Variants in PHLPP1 observed in about 807,000 individuals in gnomAD.
PHLPP1 encodes the protein PH domain leucine-rich repeat-containing protein phosphatase 1.
Under a neutral mutation model 117.2 loss-of-function variants are expected in PHLPP1, and 42 were observed. That is an observed-to-expected ratio of 0.36 (90% CI 0.28 to 0.46). The LOEUF (loss-of-function observed/expected upper bound fraction) is 0.46, where lower values mean the gene tolerates loss of function less well. Ranked by LOEUF, PHLPP1 falls within the 20% of genes least tolerant of loss-of-function variation. The probability of loss-of-function intolerance (pLI) is 1.00; values close to 1 mark genes in which losing one functional copy is unlikely to be tolerated. For synonymous variants in PHLPP1, 1,042 were observed against 970.7 expected (o/e 1.07, Z -1.37); for missense variants, 2,084 against 2,241.9 (o/e 0.93, Z 1.42).
At chr18:62,871,586 C>A (rs149881644) in intron 4 of PHLPP1, among the ~76,000 whole-genome samples, 1 of 151,546 alleles carries the variant, frequency 6.6e-6, no homozygotes, top group Non-Finnish European at 1.5e-5. Flanking sequence ...CCTCGGCCTC[C>A]GAAAGTGCTG....
At chr18:62,802,854 T>C (rs1343961868) in intron 1 of PHLPP1, among the ~76,000 whole-genome samples, 2 of 152,082 alleles carry the variant, frequency 1.3e-5, no homozygotes, top group Admixed American at 1.3e-4. Flanking sequence ...AGAAGTCCAG[T>C]CCTGTAGATT....
At chr18:62,810,790 A>G (rs923306097) in intron 1 of PHLPP1, among the ~76,000 whole-genome samples, 6 of 152,212 alleles carry the variant, frequency 3.9e-5, no homozygotes, top group African/African-American at 9.6e-5. Flanking sequence ...GTAGTACTAT[A>G]AATAGTTATT....
intron 3 of PHLPP1, among the ~76,000 whole-genome samples, chr18:62,845,809 C>T (rs1915166720): frequency 6.6e-6 from 1 of 152,150 alleles, no homozygotes; most frequent in Non-Finnish European, 1.5e-5. Flanking sequence ...TACTGTTCTA[C>T]TGAGGAGTCA....
intron 1 of PHLPP1, among the ~76,000 whole-genome samples, chr18:62,794,052 G>C (rs1167293896): frequency 1.3e-5 from 2 of 152,246 alleles, no homozygotes; most frequent in African/African-American, 2.4e-5. Context: ...AATTAAACCA[G>C]CATTTTTTAA....
chr18:62,888,187 TA>T (rs772115372), intron 4 of PHLPP1, among the ~76,000 whole-genome samples: 4 of 152,226 alleles, frequency 2.6e-5, no homozygotes, highest in Non-Finnish European at 5.9e-5. Context: ...TCCACTTATC[TA>T]TGTTGAACAG....
At chr18:62,810,701 A>G (rs879225980) in intron 1 of PHLPP1, among the ~76,000 whole-genome samples, 1 of 152,222 alleles carries the variant, frequency 6.6e-6, no homozygotes, top group Non-Finnish European at 1.5e-5. Context: ...AATCACAGAA[A>G]GCGAAATCAT....
chr18:62,905,162 A>G (rs1490543367), intron 7 of PHLPP1, 62 bp from the exon 8 acceptor site: 2 of 1,027,394 alleles, frequency 1.9e-6, no homozygotes, highest in East Asian at 2.7e-5. Context: ...TCCACATACA[A>G]AAAGAGTCTC....
At chr18:62,743,417 A>G (rs947148047) in intron 1 of PHLPP1, among the ~76,000 whole-genome samples, 1 of 152,128 alleles carries the variant, frequency 6.6e-6, no homozygotes, top group African/African-American at 2.4e-5. Context: ...ACTCATGGCC[A>G]GTCTTACTTT....
intron 11 of PHLPP1, 112 bp downstream of exon 11, chr18:62,942,030 T>A: frequency 1.3e-6 from 1 of 794,512 alleles, no homozygotes; most frequent in East Asian, 2.7e-5. Flanking sequence ...TGTTTGCTTG[T>A]TCCTGCTCCC....
At chr18:62,976,066 A>G (rs1051440239) in intron 16 of PHLPP1, among the ~76,000 whole-genome samples, 9 of 152,248 alleles carry the variant, frequency 5.9e-5, no homozygotes, top group Admixed American at 2.0e-4. Flanking sequence ...CTTGTAAACT[A>G]TGAACGTCTA....
At chr18:62,804,704 A>G (rs983546659) in intron 1 of PHLPP1, among the ~76,000 whole-genome samples, 65 of 119,214 alleles carry the variant, frequency 5.5e-4, no homozygotes, top group Admixed American at 9.0e-4. Context: ...CCATCCCCCC[A>G]TCCCCCTCTT....
At chr18:62,940,358 T>TC (rs1910095760) in intron 10 of PHLPP1, among the ~76,000 whole-genome samples, 1 of 112,586 alleles carries the variant, frequency 8.9e-6, no homozygotes, top group Non-Finnish European at 1.9e-5. Context: ...TCTTTTCTTT[T>TC]TTTTTTTTTT....
intron 1 of PHLPP1, among the ~76,000 whole-genome samples, chr18:62,797,533 A>G (rs1913660288): frequency 6.6e-6 from 1 of 152,214 alleles, no homozygotes; most frequent in African/African-American, 2.4e-5. Flanking sequence ...GGGTTGCACT[A>G]TTACAGATGG....
At chr18:62,874,966 T>G (rs897772008) in intron 4 of PHLPP1, among the ~76,000 whole-genome samples, 1 of 151,900 alleles carries the variant, frequency 6.6e-6, no homozygotes, top group Non-Finnish European at 1.5e-5. Context: ...TTATGATTAT[T>G]ATATTTGAGA....
intron 9 of PHLPP1, among the ~76,000 whole-genome samples, chr18:62,918,331 T>TG (rs1909362021): frequency 6.6e-6 from 1 of 151,434 alleles, no homozygotes; most frequent in South Asian, 2.1e-4. Flanking sequence ...AACCCAATAA[T>TG]TAGCATTCAG....
chr18:62,874,306 G>A (rs867254137), intron 4 of PHLPP1, among the ~76,000 whole-genome samples: 2 of 151,598 alleles, frequency 1.3e-5, no homozygotes, highest in Admixed American at 6.6e-5. Context: ...TCAGGAGTTT[G>A]CGACCAGCCT....
At chr18:62,854,846 A>G (rs551212319) in intron 3 of PHLPP1, among the ~76,000 whole-genome samples, 89 of 151,958 alleles carry the variant, frequency 5.9e-4, no homozygotes, top group African/African-American at 2.1e-3. Flanking sequence ...ACAGGCACCC[A>G]CCACCACGCC....
chr18:62,827,784 T>A (rs1914650356), intron 1 of PHLPP1, among the ~76,000 whole-genome samples: 1 of 152,242 alleles, frequency 6.6e-6, no homozygotes, highest in Non-Finnish European at 1.5e-5. Context: ...ACTCTTCTGT[T>A]AAAGATCCCT....
At chr18:62,844,298 C>G (rs372348225) in intron 3 of PHLPP1, among the ~76,000 whole-genome samples, 2 of 152,092 alleles carry the variant, frequency 1.3e-5, no homozygotes, top group African/African-American at 4.8e-5. Context: ...GAGATTGCGC[C>G]ACTGCACTCC....
Sources: allele counts gnomAD v4.1 joint callset (sites outside exome capture counted in the v4.1 genomes callset), GRCh38; gene constraint gnomAD v4.1.1; transcripts MANE v1.5; gene names NCBI Gene and HGNC (gene_info 2026-07-23, HGNC 2026-07-21).